Variants in LGR5 observed in about 807,000 individuals in gnomAD.
LGR5 encodes leucine-rich repeat-containing G protein-coupled receptor 5.
In LGR5, 54 loss-of-function variants were observed where a neutral mutation model predicts 76.7. The observed-to-expected ratio is 0.70, with a 90% CI of 0.57 to 0.88. The LOEUF is 0.88. Ranked by LOEUF, LGR5 falls within the 40% of genes least tolerant of loss-of-function variation. The pLI is 0.00. For synonymous variants in LGR5, 406 were observed against 421.9 expected (o/e 0.96, Z 0.46); for missense variants, 1,078 against 1,073.3 (o/e 1.00, Z -0.06).
intron 1 of LGR5, among the ~76,000 whole-genome samples, chr12:71,454,353 T>C (rs764381227): frequency 5.9e-5 from 9 of 152,186 alleles, no homozygotes; most frequent in African/African-American, 1.2e-4. Context: ...AGACATCTAC[T>C]ACATGTCATC....
rs1334596200 is a variant in LGR5, at chr12:71,584,345, AACTG to A, written c.2336_2339del (p.Asn779ThrfsTer11). 6.2e-7 allele frequency: 1 copy of A among 1,614,116 alleles called. No homozygotes were observed. The highest frequency in any genetic ancestry group is 1.7e-5 in the Admixed American group (1 of 60,024). On this transcript the variant is annotated frameshift_variant, in exon 18 of 18. Coordinates refer to ENST00000266674, the MANE Select transcript of LGR5 (RefSeq NM_003667.4). LOFTEE classifies it high-confidence loss of function. The stretch of plus-strand genomic sequence containing the variant: ...GTTGCTCTTCACCAACTGCATCCTA[AACTG>A]CCCTGTGGCTTTCTTGTCCTTCTCC...
chr12:71,471,309 T>C (rs1592468161), intron 1 of LGR5, among the ~76,000 whole-genome samples: 1 of 152,310 alleles, frequency 6.6e-6, no homozygotes, highest in Admixed American at 6.5e-5. Context: ...GGAAAATTAT[T>C]CAGCAATTAA....
chr12:71,550,061 T>C (rs1877397783), intron 4 of LGR5, among the ~76,000 whole-genome samples: 1 of 152,182 alleles, frequency 6.6e-6, no homozygotes, highest in Admixed American at 6.5e-5. Flanking sequence ...GAACATAAAA[T>C]ACCAAAGAAG....
At position 71,584,352 on chromosome 12, in the gene LGR5, C is replaced by T; in HGVS notation, c.2342C>T (p.Pro781Leu). Residue 781 changes from proline to leucine, a missense_variant, in exon 18 of 18, where the codon CCT becomes CTT. Coordinates refer to ENST00000266674, the MANE Select transcript of LGR5 (RefSeq NM_003667.4). Reference protein sequence around the residue: ...LLFTNCILNCPVAFLSFSSLI... With the variant: ...LLFTNCILNCLVAFLSFSSLI... The stretch of plus-strand genomic sequence containing the variant: ...TTCACCAACTGCATCCTAAACTGCC[C>T]TGTGGCTTTCTTGTCCTTCTCCTCT... 1 of 1,614,236 alleles carries T rather than the reference C, an allele frequency of 6.2e-7. No homozygotes were observed. Among genetic ancestry groups the T allele is most frequent in the East Asian group, 2.2e-5 (1 of 44,890 alleles).
intron 1 of LGR5, among the ~76,000 whole-genome samples, chr12:71,487,934 A>G (rs1233688859): frequency 6.6e-6 from 1 of 151,542 alleles, no homozygotes; most frequent in Non-Finnish European, 1.5e-5. Context: ...CCTTTTCTTT[A>G]ATAGCTTCTT....
chr12:71,444,930 T>TA (rs1179154932), intron 1 of LGR5, among the ~76,000 whole-genome samples: 1 of 152,206 alleles, frequency 6.6e-6, no homozygotes, highest in African/African-American at 2.4e-5. Context: ...AATTTTGACT[T>TA]ACCTTAGCAA....
At chr12:71,454,954 G>A (rs552526862) in intron 1 of LGR5, among the ~76,000 whole-genome samples, 4 of 151,928 alleles carry the variant, frequency 2.6e-5, no homozygotes, top group Non-Finnish European at 4.4e-5. Context: ...TTATCACTAC[G>A]GTGCAGGGGA....
intron 3 of LGR5, among the ~76,000 whole-genome samples, chr12:71,528,528 A>G (rs1191827379): frequency 2.6e-5 from 4 of 152,210 alleles, no homozygotes; most frequent in African/African-American, 7.2e-5. Flanking sequence ...GCCACAAACC[A>G]AATTAAAAAT....
chr12:71,514,021 C>A (rs978854759), intron 2 of LGR5, among the ~76,000 whole-genome samples: 5 of 152,070 alleles, frequency 3.3e-5, no homozygotes, highest in African/African-American at 1.2e-4. Context: ...GTGGTGCGTA[C>A]CTGTAGTCCC....
chr12:71,447,288 G>A (rs1872044580), intron 1 of LGR5, among the ~76,000 whole-genome samples: 1 of 152,156 alleles, frequency 6.6e-6, no homozygotes, highest in African/African-American at 2.4e-5. Flanking sequence ...ATAAGTCATA[G>A]AAAAGTCCCC....
intron 2 of LGR5, among the ~76,000 whole-genome samples, chr12:71,518,549 A>G (rs1391627493): frequency 6.6e-6 from 1 of 152,246 alleles, no homozygotes. Flanking sequence ...ACATGAATGC[A>G]TATGCTCATT....
intron 1 of LGR5, among the ~76,000 whole-genome samples, chr12:71,487,637 T>A (rs1375836835): frequency 6.6e-6 from 1 of 152,184 alleles, no homozygotes; most frequent in African/African-American, 2.4e-5. Flanking sequence ...CATCTCTAAC[T>A]CCTGGCCTCA....
rs760664043 is a variant in LGR5 at position 71,583,923 on chromosome 12, A to G, written c.1913A>G (p.His638Arg). The change falls in exon 18 of 18, where the codon CAT becomes CGT. Residue 638 changes from histidine (H) to arginine (R), a missense_variant. Coordinates refer to ENST00000266674, the MANE Select transcript of LGR5 (RefSeq NM_003667.4). ...GAWWENGVGC[H>R]VIGFLSIFAS... ...TGGTGGGAGAATGGGGTTGGTTGCC[A>G]TGTCATTGGTTTTTTGTCCATTTTT... 9 of 1,614,048 alleles carry G rather than the reference A, an allele frequency of 5.6e-6. No individual in the cohort carries two copies. Among genetic ancestry groups the G allele is most frequent in the Non-Finnish European group, 5.9e-6 (7 of 1,180,014 alleles).
intron 3 of LGR5, among the ~76,000 whole-genome samples, chr12:71,525,942 T>C (rs1875981345): frequency 6.6e-6 from 1 of 151,888 alleles, no homozygotes; most frequent in South Asian, 2.1e-4. Context: ...TATACCATTA[T>C]ATATTTCTAA....
intron 4 of LGR5, among the ~76,000 whole-genome samples, chr12:71,551,891 G>A (rs1038513269): frequency 6.6e-6 from 1 of 152,186 alleles, no homozygotes; most frequent in Non-Finnish European, 1.5e-5. Context: ...ACAAACATCT[G>A]CTTCATACAA....
chr12:71,483,920 G>A (rs1188293567), intron 1 of LGR5, among the ~76,000 whole-genome samples: 4 of 152,052 alleles, frequency 2.6e-5, no homozygotes, highest in Admixed American at 6.6e-5. Context: ...GTAAACCAGA[G>A]GTTTCTAGCT....
chr12:71,556,755 A>C (rs1877791177), intron 6 of LGR5, 65 bp downstream of exon 6: 1 of 1,272,524 alleles, frequency 7.9e-7, no homozygotes, highest in Admixed American at 1.7e-5. Context: ...AAGAATCAAA[A>C]TAGCCTTAAA....
chr12:71,544,349 A>T (rs1348556032), intron 4 of LGR5, among the ~76,000 whole-genome samples: 1 of 127,338 alleles, frequency 7.9e-6, no homozygotes, highest in Non-Finnish European at 1.6e-5. Flanking sequence ...TTTCAGAGGT[A>T]AGTCTAAAGC....
At position 71,444,259 on chromosome 12, in the gene LGR5, T is replaced by C. The variant is rs553018248; in HGVS notation, c.212+3967T>C. On this transcript the variant is annotated intron_variant, in intron 1 of 17. Coordinates refer to ENST00000266674, the MANE Select transcript of LGR5 (RefSeq NM_003667.4). The stretch of plus-strand genomic sequence containing the variant: ...CAATTACAAACATTATACAGTTTGC[T>C]CTAAAATGTACTTTTAGAATTGTTT... Among the ~76,000 whole-genome samples, 6 of 152,140 alleles carry C rather than the reference T, an allele frequency of 3.9e-5. No homozygotes were observed. In the South Asian group the frequency reaches 1.0e-3, roughly 26 times the overall value.
Sources: gnomAD v4.1 joint callset for allele counts (sites outside exome capture counted in the v4.1 genomes callset) on GRCh38, gnomAD v4.1.1 for gene constraint, MANE v1.5 for transcripts, NCBI Gene and HGNC (gene_info 2026-07-23, HGNC 2026-07-21) for gene names.